Variants in UTP4 observed in about 807,000 individuals in gnomAD.
UTP4 encodes U3 small nucleolar RNA-associated protein 4 homolog.
UTP4 carries 45 observed loss-of-function variants against 82.4 expected under a neutral mutation model. That is an observed-to-expected ratio of 0.55 (90% CI 0.43 to 0.70). UTP4 has a LOEUF of 0.70. UTP4 is among the 30% of genes least tolerant of loss of function. The pLI, the probability that UTP4 is intolerant of heterozygous loss-of-function variation, is 0.00. For missense variants in UTP4, 819 were observed against 858.3 expected, an observed-to-expected ratio of 0.95 and a Z score of 0.57; for synonymous variants, 348 against 300.3, an observed-to-expected ratio of 1.16 and a Z score of -1.64.
chr16:69,154,465 A>G lies in UTP4; in HGVS notation c.1164+8A>G, dbSNP rs112053857. 6,657 of 1,601,240 alleles carry G rather than the reference A, an allele frequency of 4.2e-3. 24 individuals are homozygous for G. Among genetic ancestry groups the G allele is most frequent in the Non-Finnish European group, 4.9e-3 (5,768 of 1,168,394 alleles). ...CTGCACCTAAAGACAAAGGTAAGGA[A>G]GTTTGTTTAGGCTCTGAATTCTAGA... On this transcript the variant is annotated splice_region_variant and intron_variant, in intron 10 of 16. Coordinates refer to ENST00000314423, the MANE Select transcript of UTP4 (RefSeq NM_032830.3).
intron 12 of UTP4, among the ~76,000 whole-genome samples, chr16:69,159,149 T>G (rs1963500670): frequency 6.6e-6 from 1 of 152,130 alleles, no homozygotes; most frequent in African/African-American, 2.4e-5. Flanking sequence ...CCATCTCGGC[T>G]CACTGCAACC....
At chr16:69,147,172 A>T (rs923154604) in intron 6 of UTP4, among the ~76,000 whole-genome samples, 1 of 133,906 alleles carries the variant, frequency 7.5e-6, no homozygotes, top group Non-Finnish European at 1.6e-5. Context: ...GTGCAACTCC[A>T]GCTCAAAATA....
chr16:69,163,408 A>G (rs1490166317), intron 14 of UTP4, among the ~76,000 whole-genome samples: 1 of 152,192 alleles, frequency 6.6e-6, no homozygotes, highest in Non-Finnish European at 1.5e-5. Flanking sequence ...ATTCTAGAGT[A>G]AAGAATCACA....
At position 69,165,363 on chromosome 16, in the gene UTP4, A is replaced by T. The variant is rs566293950; in HGVS notation, c.1670A>T (p.Asp557Val). 58 of 1,614,122 alleles carry T rather than the reference A, an allele frequency of 3.6e-5. 1 individual carries two copies. The South Asian group carries it at 6.4e-4, about 18-fold the overall frequency. The change falls in exon 15 of 17, where the codon GAC becomes GTC. Residue 557 changes from aspartate to valine, a missense_variant. Coordinates refer to ENST00000314423, the MANE Select transcript of UTP4 (RefSeq NM_032830.3). ...CAGGTATTTGAGTACAGCATCCCAG[A>T]CAAACAGTATACAGATTGGAGCCGG... ...DQQVFEYSIP[D>V]KQYTDWSRTV...
intron 15 of UTP4, chr16:69,165,796 G>A (rs113508869): frequency 1.8e-6 from 1 of 568,868 alleles, no homozygotes. Flanking sequence ...TACTTTGCGA[G>A]TAAGCACATA....
chr16:69,164,618 A>G (rs866178087), intron 14 of UTP4, among the ~76,000 whole-genome samples: 4 of 127,498 alleles, frequency 3.1e-5, no homozygotes, highest in South Asian at 2.3e-4. Flanking sequence ...ATATATATGT[A>G]TATATATATC....
chr16:69,156,481 C>T (rs545271168), intron 11 of UTP4, among the ~76,000 whole-genome samples: 3,044 of 138,302 alleles, frequency 0.022, 47 homozygotes, highest in Non-Finnish European at 0.029. Flanking sequence ...TTTTTTTGAC[C>T]GAGTTTCACT....
At chr16:69,156,359 G>C (rs1474273756) in intron 11 of UTP4, among the ~76,000 whole-genome samples, 1 of 151,186 alleles carries the variant, frequency 6.6e-6, no homozygotes, top group Non-Finnish European at 1.5e-5. Context: ...TTCACCACCC[G>C]TTGGCCATGC....
intron 2 of UTP4, among the ~76,000 whole-genome samples, chr16:69,135,162 A>T: frequency 6.6e-6 from 1 of 152,078 alleles, no homozygotes; most frequent in South Asian, 2.1e-4. Context: ...GAACCATGTC[A>T]GTGATACTCA....
chr16:69,137,938 T>G, intron 4 of UTP4, 53 bp downstream of exon 4: 1 of 1,055,122 alleles, frequency 9.5e-7, no homozygotes. Flanking sequence ...AAATTAAGTT[T>G]CTGTGCCACT....
chr16:69,144,055 T>G (rs1451068170), intron 6 of UTP4, among the ~76,000 whole-genome samples: 1 of 151,428 alleles, frequency 6.6e-6, no homozygotes, highest in Non-Finnish European at 1.5e-5. Flanking sequence ...ACCCAGCTAA[T>G]TTTTATATTT....
chr16:69,139,800 C>G, intron 4 of UTP4, 25 bp from the exon 5 acceptor site: 1 of 1,537,448 alleles, frequency 6.5e-7, no homozygotes, highest in Non-Finnish European at 9.0e-7. Flanking sequence ...ATGTCACTTT[C>G]TTTTTTTGTT....
chr16:69,150,876 C>T lies in UTP4; in HGVS notation c.974C>T (p.Ala325Val), dbSNP rs886867987. ...MEKVEVKNYD[A>V]ALRKITFPHR... ...AAGGTGGAAGTAAAGAATTACGATG[C>T]CGCTCTCCGAAAAATCACCTTTCCC... Residue 325 changes from alanine to valine, a missense_variant, in exon 8 of 17, where the codon GCC becomes GTC. Transcript: ENST00000314423. 1 of 1,613,868 alleles carries T rather than the reference C, an allele frequency of 6.2e-7. No individual in the cohort carries two copies. The highest frequency in any genetic ancestry group is 1.1e-5 in the South Asian group (1 of 91,076).
intron 11 of UTP4, among the ~76,000 whole-genome samples, 161 bp downstream of exon 11, chr16:69,156,154 C>CTTTCTT (rs1211530701): frequency 7.7e-6 from 1 of 130,476 alleles, no homozygotes; most frequent in Non-Finnish European, 1.6e-5. Flanking sequence ...TTCTTTCTTT[C>CTTTCTT]TTTTTTTTTT....
At chr16:69,136,908 A>T in intron 3 of UTP4, 21 bp downstream of exon 3, 1 of 1,608,646 alleles carries the variant, frequency 6.2e-7, no homozygotes, top group Non-Finnish European at 8.5e-7. Context: ...AACTATTGGT[A>T]ATTCAAACCA....
chr16:69,145,564 T>C (rs947298039), intron 6 of UTP4, among the ~76,000 whole-genome samples: 1 of 151,974 alleles, frequency 6.6e-6, no homozygotes, highest in Non-Finnish European at 1.5e-5. Context: ...TTTCTTTTTC[T>C]TTTTCTTTTT....
At chr16:69,153,069 G>T (rs1023194091) in intron 8 of UTP4, among the ~76,000 whole-genome samples, 2 of 152,040 alleles carry the variant, frequency 1.3e-5, no homozygotes, top group African/African-American at 4.8e-5. Context: ...GCTTCTTTTT[G>T]CACCTCTCGT....
At chr16:69,166,711 T>G (rs567655876) in intron 15 of UTP4, 2 of 265,038 alleles carry the variant, frequency 7.5e-6, no homozygotes, top group African/African-American at 4.5e-5. Flanking sequence ...ACTTGCCAGT[T>G]TGTTCCATTC....
chr16:69,138,289 T>TCC (rs1167218862), intron 4 of UTP4, among the ~76,000 whole-genome samples: 335 of 151,140 alleles, frequency 2.2e-3, no homozygotes, highest in African/African-American at 7.4e-3. Context: ...ATGCTGGCAG[T>TCC]GGCGGTGGCA....
Sources: allele counts gnomAD v4.1 joint callset (sites outside exome capture counted in the v4.1 genomes callset), GRCh38; gene constraint gnomAD v4.1.1; transcripts MANE v1.5; gene names NCBI Gene and HGNC (gene_info 2026-07-23, HGNC 2026-07-21).